Variants in FAM83B observed in about 807,000 individuals in gnomAD.
FAM83B encodes the protein scaffolding CK1 anchoring protein B.
A neutral mutation model predicts 38.8 loss-of-function variants in FAM83B; 26 were observed. The ratio of observed to expected loss-of-function variants is 0.67; its 90% CI spans 0.49 to 0.93. The LOEUF (loss-of-function observed/expected upper bound fraction) is 0.93, where lower values mean the gene tolerates loss of function less well. Ranked by LOEUF, FAM83B falls within the 40% of genes least tolerant of loss-of-function variation. FAM83B has a pLI of 0.00. For missense variants in FAM83B, 1,237 were observed against 1,197.3 expected, an observed-to-expected ratio of 1.03 and a Z score of -0.49; for synonymous variants, 419 against 423.1, an observed-to-expected ratio of 0.99 and a Z score of 0.12.
intron 2 of FAM83B, among the ~76,000 whole-genome samples, chr6:54,883,163 TC>T (rs1772175783): frequency 6.6e-6 from 1 of 152,048 alleles, no homozygotes; most frequent in Non-Finnish European, 1.5e-5. Flanking sequence ...CAGGATGGTC[TC>T]TATCTCCTGA....
chr6:54,891,673 T>C (rs1561916144), intron 2 of FAM83B, among the ~76,000 whole-genome samples: 1 of 152,176 alleles, frequency 6.6e-6, no homozygotes, highest in Non-Finnish European at 1.5e-5. Context: ...GAAAACTCAC[T>C]ACACTTTTTC....
rs113838961 is a variant in FAM83B at position 54,900,678 on chromosome 6, G to A, written c.445-25693G>A. On this transcript the variant is annotated intron_variant, in intron 2 of 4. Coordinates refer to ENST00000306858, the MANE Select transcript of FAM83B (RefSeq NM_001010872.3). ...TGTCAGTGACAATATACACATATAT[G>A]TAACACATATGCACAGGAAATCCAG... Among the ~76,000 whole-genome samples the A allele has an allele frequency of 3.6e-4, 55 of 152,308 alleles. 4 individuals carry two copies. Among genetic ancestry groups the A allele is most frequent in the African/African-American group, 1.3e-3 (54 of 41,572 alleles).
rs1444879764 is a variant in FAM83B, at chr6:54,906,903, G to A, written c.445-19468G>A. 2.6e-5 allele frequency among the ~76,000 whole-genome samples: 4 copies of A among 152,096 alleles called. No individual in the cohort carries two copies. In the East Asian group the frequency reaches 5.8e-4, roughly 22 times the overall value. On this transcript the variant is annotated intron_variant, in intron 2 of 4. Transcript: ENST00000306858. ...TCACAGATACAGCAGGTATTATACAGTCTCTTTTGTCTAATATATATTTGT... is the reference window on the plus strand; with the variant it reads ...TCACAGATACAGCAGGTATTATACAATCTCTTTTGTCTAATATATATTTGT...
intron 4 of FAM83B, among the ~76,000 whole-genome samples, chr6:54,930,013 T>G (rs964586016): frequency 5.3e-5 from 8 of 152,132 alleles, no homozygotes; most frequent in Non-Finnish European, 1.0e-4. Context: ...AATAACATGA[T>G]TATGTTATTC....
Position 54,870,628 on chromosome 6 carries a change from C to T in FAM83B, c.382C>T (p.Pro128Ser), listed in dbSNP as rs1278709533. Residue 128 changes from proline to serine, a missense_variant, in exon 2 of 5, where the codon CCA becomes TCA. Physicochemically the swap from Pro to Ser is moderately conservative, Grantham distance 74. Coordinates refer to ENST00000306858, the MANE Select transcript of FAM83B (RefSeq NM_001010872.3). ...GTHIDLLFHPPRAHLLTIKET... is the reference protein window; with the variant it reads ...GTHIDLLFHPSRAHLLTIKET... ...CCATATAGATCTCCTTTTTCATCCA[C>T]CAAGAGCACATCTACTTACGATAAA... 8.1e-6 allele frequency: 13 copies of T among 1,613,436 alleles called. No individual in the cohort carries two copies. The highest frequency in any genetic ancestry group is 6.8e-6 in the Non-Finnish European group (8 of 1,179,882).
intron 2 of FAM83B, among the ~76,000 whole-genome samples, chr6:54,922,718 C>T (rs548901373): frequency 5.3e-5 from 8 of 152,076 alleles, no homozygotes; most frequent in Admixed American, 2.0e-4. Flanking sequence ...AGATAAAATT[C>T]GAGCATGGTC....
At chr6:54,916,874 T>C (rs1238058903) in intron 2 of FAM83B, among the ~76,000 whole-genome samples, 1 of 152,200 alleles carries the variant, frequency 6.6e-6, no homozygotes, top group Non-Finnish European at 1.5e-5. Context: ...CTATCTTTCA[T>C]CTGGCTATTA....
At position 54,942,006 on chromosome 6, in the gene FAM83B, A is replaced by G; in HGVS notation, c.3035A>G (p.Ter1012TrpextTer46). Residue 1012 changes from the stop codon to tryptophan, a stop_lost, in exon 5 of 5, where the codon TAG (stop) becomes TGG (tryptophan). Transcript: ENST00000306858. ...GGAAACTTTATACACAAAAATAAAT[A>G]GCTATTAAAATGCAAAATGAATGAG... ...KFGNFIHKNK[*>W] 1 of 1,587,372 alleles carries G rather than the reference A, an allele frequency of 6.3e-7. No homozygotes were observed. Among genetic ancestry groups the G allele is most frequent in the Non-Finnish European group, 8.6e-7 (1 of 1,168,524 alleles).
At chr6:54,859,421 C>G (rs1771524964) in intron 1 of FAM83B, among the ~76,000 whole-genome samples, 1 of 152,166 alleles carries the variant, frequency 6.6e-6, no homozygotes, top group Non-Finnish European at 1.5e-5. Flanking sequence ...CTTTAGTCAA[C>G]TCTCACTCTG....
chr6:54,940,182 G>C lies in FAM83B; in HGVS notation c.1211G>C (p.Arg404Thr). The C allele has an allele frequency of 6.2e-7, 1 of 1,614,006 alleles. No homozygotes were observed. Among genetic ancestry groups the C allele is most frequent in the East Asian group, 2.2e-5 (1 of 44,884 alleles). ...ACAGTGCCATACCTCCTGCTTAATA[G>C]GGCTCTGAATAGAACCAATAATCCA... ...PETVPYLLLN[R>T]ALNRTNNPPG... Residue 404 changes from arginine to threonine, a missense_variant, in exon 5 of 5, where the codon AGG (arginine) becomes ACG (threonine). Coordinates refer to ENST00000306858, the MANE Select transcript of FAM83B (RefSeq NM_001010872.3).
At chr6:54,927,395 A>T in intron 3 of FAM83B, 113 bp from the exon 4 acceptor site, 1 of 780,278 alleles carries the variant, frequency 1.3e-6, no homozygotes. Flanking sequence ...TTTTTTTTTA[A>T]TTACCTTAAG....
rs1180941250 is a variant in FAM83B, at chr6:54,880,441, C to CTTTTTT, written c.444+9767_444+9772dup. On this transcript the variant is annotated intron_variant, in intron 2 of 4. Transcript: ENST00000306858. ...CGACAAATGTATATATAGAAGGTTTCTTTTTTTTTTTTTTTTTTTTTGAGA... is the reference window on the plus strand; with the variant it reads ...CGACAAATGTATATATAGAAGGTTTCTTTTTTTTTTTTTTTTTTTTTTTTTTTGAGA... 1.1e-3 allele frequency among the ~76,000 whole-genome samples: 116 copies of CTTTTTT among 106,222 alleles called. 1 individual carries two copies. Among genetic ancestry groups the CTTTTTT allele is most frequent in the Non-Finnish European group, 1.4e-3 (78 of 55,722 alleles). The allele number at this position is 106,222 out of a possible 152,430, so 69.7% of individuals were successfully genotyped here.
chr6:54,888,888 A>G (rs1252592192), intron 2 of FAM83B, among the ~76,000 whole-genome samples: 2 of 151,774 alleles, frequency 1.3e-5, no homozygotes, highest in East Asian at 3.9e-4. Flanking sequence ...TCTGGCATAC[A>G]TTGTTTTGTT....
intron 2 of FAM83B, among the ~76,000 whole-genome samples, chr6:54,911,876 T>A (rs1249603692): frequency 6.6e-6 from 1 of 152,136 alleles, no homozygotes; most frequent in East Asian, 1.9e-4. Flanking sequence ...ATTATTTGTG[T>A]CCTTATGTAT....
At chr6:54,887,352 A>G (rs1003692732) in intron 2 of FAM83B, among the ~76,000 whole-genome samples, 8 of 152,294 alleles carry the variant, frequency 5.3e-5, no homozygotes, top group Middle Eastern at 3.4e-3. Flanking sequence ...TTTCTGCAGG[A>G]TTGACTGCAG....
intron 2 of FAM83B, among the ~76,000 whole-genome samples, chr6:54,897,438 T>G (rs1383779683): frequency 6.6e-6 from 1 of 152,182 alleles, no homozygotes; most frequent in Non-Finnish European, 1.5e-5. Context: ...ATCATTTTAT[T>G]CTCTATAAAT....
chr6:54,902,778 A>C (rs982597469), intron 2 of FAM83B, among the ~76,000 whole-genome samples: 1 of 152,152 alleles, frequency 6.6e-6, no homozygotes, highest in Non-Finnish European at 1.5e-5. Context: ...AATAAGTCTT[A>C]TTAAGACAGA....
At chr6:54,932,195 A>G (rs1773436769) in intron 4 of FAM83B, among the ~76,000 whole-genome samples, 1 of 151,946 alleles carries the variant, frequency 6.6e-6, no homozygotes, top group South Asian at 2.1e-4. Context: ...TATTTTTAGT[A>G]GAAACTGGGT....
chr6:54,868,500 A>G (rs1005568490), intron 1 of FAM83B, among the ~76,000 whole-genome samples: 5 of 152,210 alleles, frequency 3.3e-5, no homozygotes, highest in African/African-American at 1.2e-4. Context: ...ATGTCAATAG[A>G]TTAATTTTAA....
Sources: allele counts gnomAD v4.1 joint callset (sites outside exome capture counted in the v4.1 genomes callset), GRCh38; gene constraint gnomAD v4.1.1; transcripts MANE v1.5; gene names NCBI Gene and HGNC (gene_info 2026-07-23, HGNC 2026-07-21).